Variants in UIMC1 observed in about 807,000 individuals in gnomAD.
UIMC1 encodes the protein BRCA1-A complex subunit RAP80.
UIMC1 carries 42 observed loss-of-function variants against 84.9 expected under a neutral mutation model. That is an observed-to-expected ratio of 0.49 (90% CI 0.39 to 0.64). The LOEUF is 0.64. Ranked by LOEUF, UIMC1 falls within the 30% of genes least tolerant of loss-of-function variation. The pLI is 0.00. For missense variants in UIMC1, 825 were observed against 847.6 expected, an observed-to-expected ratio of 0.97 and a Z score of 0.33; for synonymous variants, 281 against 293.0, an observed-to-expected ratio of 0.96 and a Z score of 0.42.
chr5:176,956,367 G>T (rs1005348619), intron 7 of UIMC1, among the ~76,000 whole-genome samples: 3 of 152,142 alleles, frequency 2.0e-5, no homozygotes, highest in Non-Finnish European at 4.4e-5. Context: ...GGATGTCAAA[G>T]GTGTTTTATA....
At chr5:176,975,843 A>G (rs1167969403) in intron 2 of UIMC1, among the ~76,000 whole-genome samples, 1 of 152,222 alleles carries the variant, frequency 6.6e-6, no homozygotes, top group Non-Finnish European at 1.5e-5. Flanking sequence ...TTTATTTTAA[A>G]TCACTCTTTT....
intron 8 of UIMC1, among the ~76,000 whole-genome samples, chr5:176,955,526 C>T (rs1320486669): frequency 6.6e-6 from 1 of 152,110 alleles, no homozygotes; most frequent in Non-Finnish European, 1.5e-5. Flanking sequence ...CCCCGAAGTT[C>T]AAGGCTGCAG....
At chr5:176,957,878 C>T (rs991163396) in intron 7 of UIMC1, among the ~76,000 whole-genome samples, 1 of 152,138 alleles carries the variant, frequency 6.6e-6, no homozygotes, top group Non-Finnish European at 1.5e-5. Flanking sequence ...GACAAGATGA[C>T]CTCTAGGATC....
At chr5:176,920,923 C>T (rs57074297) in intron 10 of UIMC1, among the ~76,000 whole-genome samples, 5,006 of 152,238 alleles carry the variant, frequency 0.033, 295 homozygotes, top group African/African-American at 0.11. Flanking sequence ...TTTTCATAGA[C>T]GCCCTCTATC....
chr5:176,905,266 T>G lies in UIMC1; in HGVS notation c.*16A>C. The G allele has an allele frequency of 6.2e-7, 1 of 1,612,980 alleles. No individual in the cohort carries two copies. The highest frequency in any genetic ancestry group is 8.5e-7 in the Non-Finnish European group (1 of 1,179,248). ...CCTCCTACTAATGGTTTTGTCAACT[T>G]TTGGACCCTAGAAATTCAGAATTTT... is the stretch of plus-strand genomic sequence containing the variant. On this transcript the variant is annotated 3_prime_UTR_variant, in exon 15 of 15. Coordinates refer to ENST00000511320, the MANE Select transcript of UIMC1 (RefSeq NM_001199298.2).
At chr5:177,019,130 T>G (rs990869217) in intron 1 of UIMC1, among the ~76,000 whole-genome samples, 1 of 152,176 alleles carries the variant, frequency 6.6e-6, no homozygotes, top group Non-Finnish European at 1.5e-5. Context: ...AGTCACTGAC[T>G]TTTAGGCTGG....
intron 3 of UIMC1, among the ~76,000 whole-genome samples, chr5:176,972,246 C>CA (rs1769354834): frequency 2.0e-5 from 3 of 150,524 alleles, no homozygotes; most frequent in South Asian, 2.1e-4. Flanking sequence ...TAAAAAAATA[C>CA]AAAAAATCAG....
At chr5:176,915,172 TTA>T (rs1760803921) in intron 10 of UIMC1, among the ~76,000 whole-genome samples, 1 of 152,128 alleles carries the variant, frequency 6.6e-6, no homozygotes, top group Non-Finnish European at 1.5e-5. Context: ...TCCTATTCAC[TTA>T]TATGTCAGTC....
intron 10 of UIMC1, among the ~76,000 whole-genome samples, chr5:176,924,035 T>C (rs115079643): frequency 0.02 from 2,961 of 147,618 alleles, 45 homozygotes; most frequent in Non-Finnish European, 0.032. Flanking sequence ...TACCACAATC[T>C]GGCCGGGCAC....
At chr5:176,909,616 A>G (rs2149388198) in intron 11 of UIMC1, among the ~76,000 whole-genome samples, 1 of 152,350 alleles carries the variant, frequency 6.6e-6, no homozygotes, top group African/African-American at 2.4e-5. Context: ...CAGTAACTAC[A>G]GCAAGGGAGA....
At chr5:176,934,620 GT>G (rs1201210326) in intron 10 of UIMC1, among the ~76,000 whole-genome samples, 1 of 152,224 alleles carries the variant, frequency 6.6e-6, no homozygotes, top group Non-Finnish European at 1.5e-5. Flanking sequence ...GATGTTTTCT[GT>G]TATTGTGACT....
At chr5:177,002,452 T>C (rs2149542331) in intron 1 of UIMC1, among the ~76,000 whole-genome samples, 1 of 152,278 alleles carries the variant, frequency 6.6e-6, no homozygotes, top group Non-Finnish European at 1.5e-5. Flanking sequence ...AACTGTACAA[T>C]TAAGACGGGT....
intron 10 of UIMC1, among the ~76,000 whole-genome samples, chr5:176,939,965 G>A (rs753861664): frequency 6.6e-6 from 1 of 152,192 alleles, no homozygotes; most frequent in East Asian, 1.9e-4. Flanking sequence ...TATCCAGAGT[G>A]TAAATCCAAC....
chr5:176,997,579 G>A (rs1773787772), intron 1 of UIMC1, among the ~76,000 whole-genome samples: 1 of 151,474 alleles, frequency 6.6e-6, no homozygotes, highest in Non-Finnish European at 1.5e-5. Context: ...CAGCTACTGA[G>A]GAGGCTGAGG....
At chr5:176,930,897 A>G (rs1034199872) in intron 10 of UIMC1, among the ~76,000 whole-genome samples, 2 of 152,256 alleles carry the variant, frequency 1.3e-5, no homozygotes, top group Admixed American at 6.5e-5. Context: ...GACAAGGTCA[A>G]TTCTGATGAG....
At position 176,958,080 on chromosome 5, in the gene UIMC1, T is replaced by A. The variant is rs575148471; in HGVS notation, c.1262+13A>T. On this transcript the variant is annotated intron_variant, in intron 7 of 14. Transcript: ENST00000511320. ...CATCAGAGGAGAATGCATAGCAACA[T>A]ATAATCTCTCACCTTTGTGAAGCAG... 2 of 1,613,270 alleles carry A rather than the reference T, an allele frequency of 1.2e-6. No individual in the cohort carries two copies. The highest frequency in any genetic ancestry group is 1.3e-5 in the African/African-American group (1 of 75,062).
At position 176,911,373 on chromosome 5, in the gene UIMC1, T is replaced by C; in HGVS notation, c.1614A>G (p.Gln538=). 1.3e-6 allele frequency: 2 copies of C among 1,593,838 alleles called. No individual in the cohort carries two copies. The highest frequency in any genetic ancestry group is 2.3e-5 in the South Asian group (2 of 86,748). ...TGTCACTCTTGGTCTTGGCCTCTTT[T>C]TGTCTCCGAGTCAATACTTTTAATA... is the stretch of plus-strand genomic sequence containing the variant. The part of the protein sequence containing the change: ...MEEDTVLTRR[Q]KEAKTKSDSG... Residue 538 remains glutamine, a synonymous_variant, in exon 11 of 15, where the codon CAA becomes CAG. Transcript: ENST00000511320.
intron 10 of UIMC1, among the ~76,000 whole-genome samples, chr5:176,925,801 G>A (rs1762322503): frequency 2.6e-5 from 4 of 152,132 alleles, no homozygotes; most frequent in African/African-American, 9.7e-5. Context: ...ATCTTCCAGG[G>A]TGATATTAAT....
chr5:176,985,065 A>G (rs1456405312), intron 1 of UIMC1, among the ~76,000 whole-genome samples: 1 of 152,154 alleles, frequency 6.6e-6, no homozygotes, highest in Non-Finnish European at 1.5e-5. Flanking sequence ...CCCCCTCTCC[A>G]AGAAACACCC....
Sources: gnomAD v4.1 joint callset for allele counts (sites outside exome capture counted in the v4.1 genomes callset) on GRCh38, gnomAD v4.1.1 for gene constraint, MANE v1.5 for transcripts, NCBI Gene and HGNC (gene_info 2026-07-23, HGNC 2026-07-21) for gene names.